CRACDL: variants seen among roughly 807,000 people sequenced by gnomAD.
CRACDL encodes the protein CRACD like, also known as CRACD-like protein.
In CRACDL, 26 loss-of-function variants were observed where a neutral mutation model predicts 70.6. The ratio of observed to expected loss-of-function variants is 0.37; its 90% CI spans 0.27 to 0.51. The LOEUF (loss-of-function observed/expected upper bound fraction) is 0.51. Among genes scored for constraint, CRACDL ranks in the 20% least tolerant of loss-of-function variants. The pLI is 0.94. For synonymous variants in CRACDL, 618 were observed against 615.2 expected (o/e 1.00, Z -0.07); for missense variants, 1,283 against 1,376.9 (o/e 0.93, Z 1.08).
At chr2:98,825,389 G>T (rs895075007) in intron 6 of CRACDL, among the ~76,000 whole-genome samples, 6 of 152,138 alleles carry the variant, frequency 3.9e-5, no homozygotes, top group Non-Finnish European at 8.8e-5. Context: ...CTACAAAGTG[G>T]GATTCAAGAA....
chr2:98,849,786 T>C (rs1706406971), intron 1 of CRACDL, among the ~76,000 whole-genome samples: 1 of 152,038 alleles, frequency 6.6e-6, no homozygotes. Flanking sequence ...TCATGTTTTA[T>C]GTCCCAAGCA....
chr2:98,895,997 G>T (rs1237511993), intron 1 of CRACDL, among the ~76,000 whole-genome samples: 1 of 152,180 alleles, frequency 6.6e-6, no homozygotes, highest in Non-Finnish European at 1.5e-5. Context: ...CTGGCGCCTT[G>T]ATCTAGGACT....
At chr2:98,832,296 C>G in intron 5 of CRACDL, 52 bp downstream of exon 5, 2 of 1,601,128 alleles carry the variant, frequency 1.2e-6, no homozygotes, top group Non-Finnish European at 1.7e-6. Flanking sequence ...AGCTCCAGCA[C>G]CCTCCAGGGC....
chr2:98,808,120 T>TA (rs1704395927), intron 7 of CRACDL, among the ~76,000 whole-genome samples: 1 of 152,192 alleles, frequency 6.6e-6, no homozygotes. Context: ...GGCTCTGTGT[T>TA]AGAGAGCGCA....
At chr2:98,826,909 G>GC (rs1288885558) in intron 6 of CRACDL, 66 bp downstream of exon 6, 6 of 1,288,782 alleles carry the variant, frequency 4.7e-6, no homozygotes, top group Non-Finnish European at 6.5e-6. Flanking sequence ...GGCAGGTTGG[G>GC]GGGGGGCATA....
chr2:98,859,886 A>C (rs745585850), intron 1 of CRACDL, among the ~76,000 whole-genome samples: 5 of 152,362 alleles, frequency 3.3e-5, no homozygotes, highest in Non-Finnish European at 7.4e-5. Context: ...TGTAGATGAC[A>C]TGATCATGCA....
intron 3 of CRACDL, among the ~76,000 whole-genome samples, chr2:98,837,773 C>T (rs1340864716): frequency 6.6e-6 from 1 of 152,080 alleles, no homozygotes; most frequent in Admixed American, 6.5e-5. Context: ...AATATAGCAT[C>T]TAGGTCCTCA....
chr2:98,841,600 A>T (rs72811080), intron 2 of CRACDL, among the ~76,000 whole-genome samples: 1,753 of 152,074 alleles, frequency 0.012, 16 homozygotes, highest in Admixed American at 0.019. Context: ...CATATTCCAG[A>T]TTGTCCACTA....
At chr2:98,869,130 T>C (rs1558614026) in intron 1 of CRACDL, 2 of 1,304,366 alleles carry the variant, frequency 1.5e-6, no homozygotes, top group Non-Finnish European at 2.0e-6. Context: ...CTGAGTGTGC[T>C]GTGAGCCTCC....
At chr2:98,804,501 C>T (rs137897828) in intron 7 of CRACDL, among the ~76,000 whole-genome samples, 45 of 152,298 alleles carry the variant, frequency 3.0e-4, no homozygotes, top group Non-Finnish European at 4.6e-4. Flanking sequence ...AGCAGTGATG[C>T]GCCGCCTTAT....
chr2:98,882,801 A>C lies in CRACDL; in HGVS notation c.-10-35991T>G, dbSNP rs115769807. On this transcript the variant is annotated intron_variant, in intron 1 of 9. Transcript: ENST00000397899. ...GTTCCATTTTTAGATCTGTAGAACA[A>C]AGGGGCTTGGGATACTTTCAGGACT... 8.4e-3 allele frequency among the ~76,000 whole-genome samples: 1,281 copies of C among 152,328 alleles called. 17 individuals carry two copies. Among genetic ancestry groups the C allele is most frequent in the African/African-American group, 0.025 (1,024 of 41,576 alleles).
chr2:98,927,454 C>T (rs1326665730), intron 1 of CRACDL, among the ~76,000 whole-genome samples: 1 of 151,412 alleles, frequency 6.6e-6, no homozygotes, highest in African/African-American at 2.4e-5. Flanking sequence ...AACACAGATG[C>T]TGCCAACCAA....
chr2:98,873,148 A>G (rs556443107), intron 1 of CRACDL, among the ~76,000 whole-genome samples: 19 of 152,344 alleles, frequency 1.2e-4, no homozygotes, highest in African/African-American at 4.6e-4. Flanking sequence ...GTAAGTTTCT[A>G]TGCAGTGCCT....
chr2:98,858,289 C>T (rs921937009), intron 1 of CRACDL, among the ~76,000 whole-genome samples: 13 of 152,002 alleles, frequency 8.6e-5, no homozygotes, highest in Non-Finnish European at 1.2e-4. Flanking sequence ...CTGAGGCAGG[C>T]GGATCACATG....
At chr2:98,909,151 T>C (rs550511840) in intron 1 of CRACDL, among the ~76,000 whole-genome samples, 7 of 152,306 alleles carry the variant, frequency 4.6e-5, no homozygotes, top group African/African-American at 1.2e-4. Flanking sequence ...TCAGAAGAGA[T>C]TGGCAGAAAG....
chr2:98,806,866 G>A (rs1037158254), intron 7 of CRACDL, among the ~76,000 whole-genome samples: 1 of 152,190 alleles, frequency 6.6e-6, no homozygotes, highest in African/African-American at 2.4e-5. Flanking sequence ...TACAAGAACT[G>A]TCTAGGGTGG....
At chr2:98,904,097 A>C (rs1265944055) in intron 1 of CRACDL, among the ~76,000 whole-genome samples, 2 of 152,238 alleles carry the variant, frequency 1.3e-5, no homozygotes, top group East Asian at 3.9e-4. Context: ...CTGTGAGGAC[A>C]GGGTAAAATG....
chr2:98,927,304 C>T (rs1305837265), intron 1 of CRACDL, among the ~76,000 whole-genome samples: 3 of 152,182 alleles, frequency 2.0e-5, no homozygotes, highest in African/African-American at 7.2e-5. Context: ...CAGCAGTTAC[C>T]GGCGGGCCAG....
At chr2:98,800,927 A>T (rs1312330700) in intron 7 of CRACDL, among the ~76,000 whole-genome samples, 1 of 152,178 alleles carries the variant, frequency 6.6e-6, no homozygotes, top group Non-Finnish European at 1.5e-5. Context: ...GAATGTTTCC[A>T]GCTGTACTGT....
Sources: gnomAD v4.1 joint callset for allele counts (sites outside exome capture counted in the v4.1 genomes callset) on GRCh38, gnomAD v4.1.1 for gene constraint, MANE v1.5 for transcripts, NCBI Gene and HGNC (gene_info 2026-07-23, HGNC 2026-07-21) for gene names.